TNS3: variants seen among roughly 807,000 people sequenced by gnomAD.
The protein encoded by TNS3 is tensin 3.
TNS3 carries 45 observed loss-of-function variants against 140.9 expected under a neutral mutation model. The ratio of observed to expected loss-of-function variants is 0.32; its 90% CI spans 0.25 to 0.41. The LOEUF (loss-of-function observed/expected upper bound fraction) is 0.41. Ranked by LOEUF, TNS3 falls within the 10% of genes least tolerant of loss-of-function variation. The probability of loss-of-function intolerance (pLI) is 1.00; values close to 1 mark genes in which losing one functional copy is unlikely to be tolerated. For synonymous variants in TNS3, 815 were observed against 788.4 expected (o/e 1.03, Z -0.56); for missense variants, 1,716 against 1,906.7 (o/e 0.90, Z 1.86).
At chr7:47,526,779 G>A (rs1423446503) in intron 2 of TNS3, among the ~76,000 whole-genome samples, 5 of 152,138 alleles carry the variant, frequency 3.3e-5, no homozygotes, top group African/African-American at 4.8e-5. Flanking sequence ...CAATGGCTCC[G>A]CTGGCACAGG....
chr7:47,338,222 C>G (rs12533891), intron 20 of TNS3, among the ~76,000 whole-genome samples: 1 of 152,186 alleles, frequency 6.6e-6, no homozygotes, highest in Non-Finnish European at 1.5e-5. Flanking sequence ...AATGCAATCA[C>G]TGAGTCACAT....
chr7:47,426,799 G>A (rs1424412302), intron 9 of TNS3, among the ~76,000 whole-genome samples: 9 of 152,120 alleles, frequency 5.9e-5, no homozygotes, highest in East Asian at 1.9e-4. Context: ...ATGGAACTTC[G>A]GTTCAGGCAG....
At chr7:47,327,835 C>A (rs557797789) in intron 20 of TNS3, among the ~76,000 whole-genome samples, 1 of 152,042 alleles carries the variant, frequency 6.6e-6, no homozygotes, top group East Asian at 1.9e-4. Flanking sequence ...ACCTCATACC[C>A]CTCCCCACCC....
chr7:47,477,387 G>T (rs1278419840), intron 4 of TNS3, among the ~76,000 whole-genome samples: 1 of 152,162 alleles, frequency 6.6e-6, no homozygotes, highest in Non-Finnish European at 1.5e-5. Context: ...GGGTACAAGT[G>T]CCAGGTAAAC....
Position 47,453,394 on chromosome 7 carries a change from G to A in TNS3, c.-75-11339C>T, listed in dbSNP as rs200061200. ...CCCCAGGAAAAACAAAACCTACTTC[G>A]AGCTGCTGGGAGGGCAGGTTACTCA... On this transcript the variant is annotated intron_variant, in intron 4 of 30. Coordinates refer to ENST00000311160, the MANE Select transcript of TNS3 (RefSeq NM_022748.12). Among the ~76,000 whole-genome samples the A allele has an allele frequency of 1.8e-4, 27 of 152,226 alleles. No individual in the cohort carries two copies. The East Asian group carries it at 4.3e-3, about 24-fold the overall frequency.
chr7:47,556,270 C>A (rs1800193242), intron 1 of TNS3, among the ~76,000 whole-genome samples: 1 of 152,176 alleles, frequency 6.6e-6, no homozygotes, highest in Non-Finnish European at 1.5e-5. Flanking sequence ...AAAATCAAAA[C>A]GTGATTTTTA....
intron 1 of TNS3, among the ~76,000 whole-genome samples, chr7:47,554,931 G>A (rs1200448666): frequency 2.0e-5 from 3 of 152,008 alleles, no homozygotes; most frequent in Non-Finnish European, 2.9e-5. Context: ...AGGAGGCGGA[G>A]GCAGGAGGAT....
intron 8 of TNS3, among the ~76,000 whole-genome samples, chr7:47,434,902 C>A (rs1351633852): frequency 6.6e-6 from 1 of 152,228 alleles, no homozygotes; most frequent in Non-Finnish European, 1.5e-5. Context: ...CTCAAGATGG[C>A]ATGGAAAGTC....
At chr7:47,362,155 A>C (rs903033277) in intron 17 of TNS3, among the ~76,000 whole-genome samples, 6 of 152,206 alleles carry the variant, frequency 3.9e-5, no homozygotes, top group African/African-American at 1.2e-4. Flanking sequence ...TGGCAGCAGA[A>C]GTCAGACCAG....
intron 3 of TNS3, among the ~76,000 whole-genome samples, chr7:47,501,371 G>A (rs1481431023): frequency 6.6e-6 from 1 of 152,198 alleles, no homozygotes; most frequent in Non-Finnish European, 1.5e-5. Context: ...CTGTGGCAAT[G>A]AGCTTCACCA....
intron 4 of TNS3, among the ~76,000 whole-genome samples, chr7:47,447,963 G>C (rs1439944329): frequency 3.3e-5 from 5 of 152,228 alleles, no homozygotes; most frequent in Non-Finnish European, 7.3e-5. Flanking sequence ...AGCAGAACAA[G>C]GGAAGAGCCA....
In TNS3 at chr7:47,472,996, C is replaced by T. The variant is rs541850611; in HGVS notation, c.-76+8107G>A. On this transcript the variant is annotated intron_variant, in intron 4 of 30. Transcript: ENST00000311160. ...CACCCCTTCCTCACCTTCTGCTGAG[C>T]GACCTCACGCGCATCCAGCCCTCCC... is the stretch of plus-strand genomic sequence containing the variant. Among the ~76,000 whole-genome samples, 10 of 152,278 alleles carry T rather than the reference C, an allele frequency of 6.6e-5. No homozygotes were observed. In the South Asian group the frequency reaches 1.2e-3, roughly 19 times the overall value.
At chr7:47,293,703 A>G (rs747744740) in intron 25 of TNS3, 30 bp downstream of exon 25, 5 of 1,602,538 alleles carry the variant, frequency 3.1e-6, no homozygotes, top group Non-Finnish European at 4.3e-6. Context: ...TGAGTTCAGA[A>G]CATTGACAGC....
intron 3 of TNS3, among the ~76,000 whole-genome samples, chr7:47,498,100 A>AAT (rs2151851741): frequency 6.6e-6 from 1 of 152,300 alleles, no homozygotes; most frequent in Non-Finnish European, 1.5e-5. Context: ...TTTCTCAAGT[A>AAT]ATGGAGGTTC....
chr7:47,526,724 C>T (rs1250451905), intron 2 of TNS3, among the ~76,000 whole-genome samples: 1 of 152,246 alleles, frequency 6.6e-6, no homozygotes, highest in Non-Finnish European at 1.5e-5. Flanking sequence ...GCCCAGGTGT[C>T]CCTGCTGATG....
chr7:47,369,377 T>A lies in TNS3; in HGVS notation c.1269A>T (p.Ala423=), dbSNP rs1534136. The change falls in exon 17 of 31, where the codon GCA becomes GCT. Residue 423 remains alanine (A), a synonymous_variant. Transcript: ENST00000311160. Reference sequence around the variant, plus strand: ...AGCCACTGAGCAGCTGGTCCAACTCTGCCTTCTCCTGGGCACTCAGGCCCC... The same window carrying A: ...AGCCACTGAGCAGCTGGTCCAACTCAGCCTTCTCCTGGGCACTCAGGCCCC... ...TRRGLSAQEK[A]ELDQLLSGFG... The A allele has an allele frequency of 0.78, 1,257,300 of 1,613,914 alleles. 495,400 individuals carry two copies. Among genetic ancestry groups the A allele is most frequent in the Non-Finnish European group, 0.82 (963,533 of 1,179,990 alleles).
Position 47,334,667 on chromosome 7 carries a change from C to T in TNS3, c.2650+10088G>A, listed in dbSNP as rs529296620. Among the ~76,000 whole-genome samples the T allele has an allele frequency of 1.5e-4, 20 of 131,690 alleles. No individual in the cohort carries two copies. In the South Asian group the frequency reaches 4.0e-3, roughly 26 times the overall value. The allele number at this position is 131,690 out of a possible 152,430, so 86.4% of individuals were successfully genotyped here. A position where few individuals can be genotyped will look rare whatever the true frequency, so the allele number is the denominator to read the frequency against. On this transcript the variant is annotated intron_variant, in intron 20 of 30. Transcript: ENST00000311160. ...GTTGTCAGGCTGCAGTACAGTGGTG[C>T]GATCTCGGCTCATGCAACCTCCGCC...
chr7:47,409,963 CCT>C (rs1260947178), intron 13 of TNS3, among the ~76,000 whole-genome samples: 1 of 152,156 alleles, frequency 6.6e-6, no homozygotes, highest in Non-Finnish European at 1.5e-5. Context: ...AGCCCGGCCT[CCT>C]CTTTAAAGCT....
At chr7:47,369,670 A>G in intron 16 of TNS3, 49 bp from the exon 17 acceptor site, 1 of 1,510,910 alleles carries the variant, frequency 6.6e-7, no homozygotes, top group Non-Finnish European at 8.8e-7. Context: ...GATGAAAGTG[A>G]GCCTCACACC....
Sources: gnomAD v4.1 joint callset for allele counts (sites outside exome capture counted in the v4.1 genomes callset) on GRCh38, gnomAD v4.1.1 for gene constraint, MANE v1.5 for transcripts, NCBI Gene and HGNC (gene_info 2026-07-23, HGNC 2026-07-21) for gene names.